Variants in CNDP1 observed in about 807,000 individuals in gnomAD.
CNDP1 encodes the protein carnosine dipeptidase 1, also known as beta-Ala-His dipeptidase.
In CNDP1, 44 loss-of-function variants were observed where a neutral mutation model predicts 58.1. The observed-to-expected ratio is 0.76, with a 90% CI of 0.60 to 0.97. The LOEUF (loss-of-function observed/expected upper bound fraction) is 0.97, where lower values mean the gene tolerates loss of function less well. Ranked by LOEUF, CNDP1 falls within the 50% of genes least tolerant of loss-of-function variation. The pLI is 0.00. For synonymous variants in CNDP1, 254 were observed against 252.6 expected (o/e 1.01, Z -0.05); for missense variants, 616 against 655.1 (o/e 0.94, Z 0.65).
chr18:74,570,870 A>G (rs552419165), intron 6 of CNDP1, among the ~76,000 whole-genome samples: 2 of 152,382 alleles, frequency 1.3e-5, no homozygotes, highest in Admixed American at 6.5e-5. Context: ...GGATGAAACC[A>G]AAAGGAAGAC....
Position 74,584,479 on chromosome 18 carries a change from GT to G in CNDP1, c.1458-12del. The G allele has an allele frequency of 6.3e-7, 1 of 1,595,074 alleles. No homozygotes were observed. Among genetic ancestry groups the G allele is most frequent in the Non-Finnish European group, 8.6e-7 (1 of 1,163,550 alleles). On this transcript the variant is annotated splice_polypyrimidine_tract_variant and intron_variant, in intron 11 of 11. Coordinates refer to ENST00000358821, the MANE Select transcript of CNDP1 (RefSeq NM_032649.6). ...GGAAATTGTAACAAAATTTCTCTTT[GT>G]TTTTCCTCTTCTTAGGTGGAACTAC...
chr18:74,551,467 G>A (rs886526052), intron 1 of CNDP1, among the ~76,000 whole-genome samples: 27 of 152,040 alleles, frequency 1.8e-4, no homozygotes, highest in African/African-American at 6.0e-4. Context: ...TGGTGAAGGC[G>A]GGATTCATGT....
At chr18:74,542,111 G>A (rs1366472939) in intron 1 of CNDP1, among the ~76,000 whole-genome samples, 4 of 152,208 alleles carry the variant, frequency 2.6e-5, no homozygotes, top group Admixed American at 6.5e-5. Flanking sequence ...CAGTTTCACA[G>A]TTTGCCTGGG....
chr18:74,558,078 AC>A (rs1981087469), intron 2 of CNDP1, among the ~76,000 whole-genome samples: 2 of 152,362 alleles, frequency 1.3e-5, no homozygotes, highest in South Asian at 4.1e-4. Flanking sequence ...AAAATGTCAA[AC>A]ACAATATTCC....
chr18:74,568,321 G>A (rs964011363), intron 6 of CNDP1, among the ~76,000 whole-genome samples: 2 of 152,178 alleles, frequency 1.3e-5, no homozygotes, highest in East Asian at 3.8e-4. Flanking sequence ...TAAGTCCCAG[G>A]GGTATAGGAC....
intron 10 of CNDP1, among the ~76,000 whole-genome samples, chr18:74,582,524 A>G (rs1319628754): frequency 6.6e-6 from 1 of 152,268 alleles, no homozygotes; most frequent in Non-Finnish European, 1.5e-5. Context: ...TCCCACTTCC[A>G]TAATATTTAA....
chr18:74,565,117 A>G (rs1981294921), intron 5 of CNDP1, among the ~76,000 whole-genome samples: 1 of 152,222 alleles, frequency 6.6e-6, no homozygotes, highest in Non-Finnish European at 1.5e-5. Context: ...TGATAAACCC[A>G]TTAGATCTCA....
At chr18:74,572,836 A>G (rs1427724250) in intron 7 of CNDP1, among the ~76,000 whole-genome samples, 1 of 98,870 alleles carries the variant, frequency 1.0e-5, no homozygotes, top group Non-Finnish European at 1.9e-5. Context: ...AAGAAAAATA[A>G]TAGAAAAAGC....
At chr18:74,563,655 G>C (rs1367124903) in intron 5 of CNDP1, among the ~76,000 whole-genome samples, 2 of 152,100 alleles carry the variant, frequency 1.3e-5, no homozygotes, top group Non-Finnish European at 2.9e-5. Context: ...GAGGTCCTTC[G>C]AGAGTGTTCC....
At chr18:74,578,697 A>T (rs1981698513) in intron 9 of CNDP1, among the ~76,000 whole-genome samples, 1 of 152,194 alleles carries the variant, frequency 6.6e-6, no homozygotes, top group Non-Finnish European at 1.5e-5. Context: ...CAGATAAATA[A>T]CCATTTGAAA....
intron 9 of CNDP1, among the ~76,000 whole-genome samples, chr18:74,579,628 G>T (rs1383358002): frequency 6.6e-6 from 1 of 152,180 alleles, no homozygotes; most frequent in Admixed American, 6.5e-5. Context: ...GGAGGGGAGA[G>T]AACGAGGCTG....
chr18:74,561,118 C>A, intron 4 of CNDP1, 100 bp downstream of exon 4: 1 of 1,441,810 alleles, frequency 6.9e-7, no homozygotes, highest in Non-Finnish European at 9.4e-7. Context: ...CTCTCCCTGT[C>A]ATTAAGAATG....
chr18:74,578,618 C>T (rs1412710222), intron 9 of CNDP1, among the ~76,000 whole-genome samples: 1 of 152,134 alleles, frequency 6.6e-6, no homozygotes, highest in Non-Finnish European at 1.5e-5. Context: ...CAGAGCAAGA[C>T]ACTGTCTCTT....
intron 3 of CNDP1, among the ~76,000 whole-genome samples, 196 bp from the exon 4 acceptor site, chr18:74,560,660 G>A (rs1192802741): frequency 6.6e-6 from 1 of 151,916 alleles, no homozygotes; most frequent in Non-Finnish European, 1.5e-5. Flanking sequence ...CTCCAGCCTG[G>A]GCGACAGGAG....
rs766374179 is a variant in CNDP1, at chr18:74,583,726, C to T, written c.1457+18C>T. The T allele has an allele frequency of 6.2e-7, 1 of 1,613,178 alleles. No homozygotes were observed. Among genetic ancestry groups the T allele is most frequent in the South Asian group, 1.1e-5 (1 of 91,060 alleles). ...ATCAACAGGTCAGCTGATGCCTGTG[C>T]AATGTGCCTCTCTCTTCTTCCTTTA... On this transcript the variant is annotated intron_variant, in intron 11 of 11. Coordinates refer to ENST00000358821, the MANE Select transcript of CNDP1 (RefSeq NM_032649.6).
intron 1 of CNDP1, among the ~76,000 whole-genome samples, chr18:74,536,431 G>A (rs1980488096): frequency 6.6e-6 from 1 of 152,138 alleles, no homozygotes; most frequent in Non-Finnish European, 1.5e-5. Flanking sequence ...AAGGATGATG[G>A]CCTCCAGCTC....
chr18:74,567,221 G>C lies in CNDP1; in HGVS notation c.556-12G>C, dbSNP rs369390962. On this transcript the variant is annotated splice_polypyrimidine_tract_variant and intron_variant, in intron 5 of 11. Coordinates refer to ENST00000358821, the MANE Select transcript of CNDP1 (RefSeq NM_032649.6). ...GCAACTTGTGCAATTTTTTTCTTCTGTTGTTACTTAGGATCTTCCTGTGAA... is the reference window on the plus strand; with the variant it reads ...GCAACTTGTGCAATTTTTTTCTTCTCTTGTTACTTAGGATCTTCCTGTGAA... 4.3e-6 allele frequency: 7 copies of C among 1,612,266 alleles called. No homozygotes were observed. The highest frequency in any genetic ancestry group is 5.9e-6 in the Non-Finnish European group (7 of 1,178,556).
At chr18:74,570,403 G>A (rs192289660) in intron 6 of CNDP1, among the ~76,000 whole-genome samples, 13 of 152,212 alleles carry the variant, frequency 8.5e-5, no homozygotes, top group East Asian at 3.9e-4. Flanking sequence ...GATGCTGGGC[G>A]CTTAGCACAA....
intron 1 of CNDP1, among the ~76,000 whole-genome samples, chr18:74,556,082 C>T (rs1219701505): frequency 2.0e-5 from 3 of 152,244 alleles, no homozygotes; most frequent in South Asian, 2.1e-4. Flanking sequence ...TAGGAATAAA[C>T]GGAATGATGT....
Sources: allele counts gnomAD v4.1 joint callset (sites outside exome capture counted in the v4.1 genomes callset), GRCh38; gene constraint gnomAD v4.1.1; transcripts MANE v1.5; gene names NCBI Gene and HGNC (gene_info 2026-07-23, HGNC 2026-07-21).